The following STXBP5L variants were observed in gnomAD, a reference collection of about 807,000 sequenced individuals.
STXBP5L encodes syntaxin-binding protein 5-like.
STXBP5L carries 65 observed loss-of-function variants against 144.5 expected under a neutral mutation model. The ratio of observed to expected loss-of-function variants is 0.45; its 90% CI spans 0.37 to 0.55. STXBP5L has a LOEUF of 0.55. Ranked by LOEUF, STXBP5L falls within the 20% of genes least tolerant of loss-of-function variation. STXBP5L has a pLI of 0.00. For synonymous variants in STXBP5L, 505 were observed against 469.6 expected (o/e 1.08, Z -0.97); for missense variants, 1,298 against 1,405.5 (o/e 0.92, Z 1.22).
intron 3 of STXBP5L, among the ~76,000 whole-genome samples, chr3:120,978,523 C>G (rs1481719414): frequency 6.6e-6 from 1 of 152,182 alleles, no homozygotes; most frequent in Admixed American, 6.5e-5. Flanking sequence ...GTTTGATCGT[C>G]TGAAGCCTTC....
intron 19 of STXBP5L, among the ~76,000 whole-genome samples, chr3:121,292,268 C>T (rs985656627): frequency 5.9e-5 from 9 of 152,178 alleles, no homozygotes; most frequent in African/African-American, 2.2e-4. Context: ...GGAAGATATA[C>T]AAATGGCCAA....
chr3:120,963,229 A>G (rs1939090385), intron 3 of STXBP5L, among the ~76,000 whole-genome samples: 1 of 152,216 alleles, frequency 6.6e-6, no homozygotes, highest in African/African-American at 2.4e-5. Flanking sequence ...AAACAGGGAC[A>G]ATTTGACTTC....
intron 11 of STXBP5L, among the ~76,000 whole-genome samples, chr3:121,232,520 T>A (rs1420958331): frequency 2.0e-5 from 3 of 151,948 alleles, no homozygotes; most frequent in African/African-American, 4.8e-5. Context: ...CAAGAGTAAA[T>A]CACTGAGTAA....
intron 18 of STXBP5L, among the ~76,000 whole-genome samples, chr3:121,279,020 C>T (rs2050969111): frequency 4.0e-5 from 6 of 151,450 alleles, no homozygotes; most frequent in Admixed American, 4.0e-4. Context: ...ATGGAACGTA[C>T]ATAAAACAAG....
chr3:121,084,254 T>G (rs190851052), intron 5 of STXBP5L, among the ~76,000 whole-genome samples: 2 of 152,342 alleles, frequency 1.3e-5, no homozygotes, highest in East Asian at 3.9e-4. Context: ...CATGGAAGTT[T>G]GTTACATAGG....
chr3:121,315,838 C>G (rs955299692), intron 19 of STXBP5L, among the ~76,000 whole-genome samples: 9 of 151,656 alleles, frequency 5.9e-5, no homozygotes, highest in African/African-American at 2.2e-4. Flanking sequence ...CCTGTCTCTA[C>G]TAAAAATATA....
At chr3:121,112,001 A>G (rs1169065956) in intron 5 of STXBP5L, among the ~76,000 whole-genome samples, 2 of 152,168 alleles carry the variant, frequency 1.3e-5, no homozygotes, top group Non-Finnish European at 2.9e-5. Context: ...AAGAGGCAGT[A>G]TGGCCATGAT....
chr3:121,007,736 G>A (rs1435192198), intron 3 of STXBP5L, among the ~76,000 whole-genome samples: 1 of 151,950 alleles, frequency 6.6e-6, no homozygotes, highest in Non-Finnish European at 1.5e-5. Flanking sequence ...ACTGCTTGTA[G>A]TTGAAGCTTG....
intron 5 of STXBP5L, among the ~76,000 whole-genome samples, chr3:121,068,668 C>T (rs1252416648): frequency 1.3e-5 from 2 of 151,992 alleles, no homozygotes; most frequent in Admixed American, 1.3e-4. Flanking sequence ...TTTATTTTCA[C>T]ATCCGTTTTA....
At chr3:121,216,830 A>G (rs1408435622) in intron 10 of STXBP5L, among the ~76,000 whole-genome samples, 1 of 152,096 alleles carries the variant, frequency 6.6e-6, no homozygotes, top group African/African-American at 2.4e-5. Flanking sequence ...TGGGAGTTTT[A>G]TCTATAAGCC....
rs2049025223 is a variant in STXBP5L at position 121,223,170 on chromosome 3, A to G, written c.1111+13A>G. 1 of 1,574,184 alleles carries G rather than the reference A, an allele frequency of 6.4e-7. No individual in the cohort carries two copies. The highest frequency in any genetic ancestry group is 2.3e-5 in the East Asian group (1 of 44,368). ...CCCTATCCAAATGGTAAGTAACTAA[A>G]ATGAAACTATTAATGTTGAAAATCA... On this transcript the variant is annotated intron_variant, in intron 11 of 26. Transcript: ENST00000471454.
At position 121,009,894 on chromosome 3, in the gene STXBP5L, A is replaced by G. The variant is rs79643930; in HGVS notation, c.288-31806A>G. On this transcript the variant is annotated intron_variant, in intron 3 of 26. Transcript: ENST00000471454. ...TATGCAGACATCATGGCCTTGCTCA[A>G]GAACTCGAAAGGCATCTGCTTGGAC... Among the ~76,000 whole-genome samples, 900 of 152,034 alleles carry G rather than the reference A, an allele frequency of 5.9e-3. 7 individuals are homozygous for G. Among genetic ancestry groups the G allele is most frequent in the African/African-American group, 0.02 (830 of 41,494 alleles).
intron 5 of STXBP5L, among the ~76,000 whole-genome samples, chr3:121,060,807 T>A (rs2041235578): frequency 1.3e-5 from 2 of 152,238 alleles, no homozygotes; most frequent in Admixed American, 1.3e-4. Context: ...TTCTGTGGGA[T>A]CAATGGTGAT....
At chr3:121,097,193 T>A in intron 5 of STXBP5L, among the ~76,000 whole-genome samples, 1 of 152,112 alleles carries the variant, frequency 6.6e-6, no homozygotes, top group East Asian at 1.9e-4. Context: ...CCAAGCTCAA[T>A]TGTCCCAGGT....
At chr3:120,951,119 G>C (rs571164251) in intron 2 of STXBP5L, among the ~76,000 whole-genome samples, 83 of 152,182 alleles carry the variant, frequency 5.5e-4, no homozygotes, top group Middle Eastern at 3.4e-3. Context: ...GCTGAAACTG[G>C]ATCCCTTCCT....
intron 18 of STXBP5L, among the ~76,000 whole-genome samples, chr3:121,275,753 A>G (rs1253606423): frequency 1.3e-5 from 2 of 152,166 alleles, no homozygotes; most frequent in Non-Finnish European, 2.9e-5. Context: ...TCTTCTTAAG[A>G]AATTGATTCC....
intron 7 of STXBP5L, among the ~76,000 whole-genome samples, chr3:121,122,059 T>C (rs910803928): frequency 6.6e-6 from 1 of 151,150 alleles, no homozygotes; most frequent in Non-Finnish European, 1.5e-5. Flanking sequence ...AAATGACCAA[T>C]ATTAAATAAC....
chr3:121,168,263 G>C (rs1284220764), intron 9 of STXBP5L, among the ~76,000 whole-genome samples: 1 of 152,130 alleles, frequency 6.6e-6, no homozygotes, highest in Non-Finnish European at 1.5e-5. Flanking sequence ...CCAAAAACCA[G>C]GATGGCTCTT....
intron 22 of STXBP5L, among the ~76,000 whole-genome samples, chr3:121,387,148 A>G (rs1390109486): frequency 6.6e-6 from 1 of 152,146 alleles, no homozygotes; most frequent in Non-Finnish European, 1.5e-5. Context: ...AATTTCTCTC[A>G]TGACCAGTGA....
Sources: allele counts gnomAD v4.1 joint callset (sites outside exome capture counted in the v4.1 genomes callset), GRCh38; gene constraint gnomAD v4.1.1; transcripts MANE v1.5; gene names NCBI Gene and HGNC (gene_info 2026-07-23, HGNC 2026-07-21).